Variants in ANKFN1 observed in about 807,000 individuals in gnomAD.
ANKFN1 encodes ankyrin repeat and fibronectin type-III domain-containing protein 1.
ANKFN1 carries 74 observed loss-of-function variants against 108.7 expected under a neutral mutation model. That is an observed-to-expected ratio of 0.68 (90% confidence interval 0.56 to 0.83). The LOEUF (loss-of-function observed/expected upper bound fraction) is 0.83. ANKFN1 is among the 40% of genes least tolerant of loss of function. The pLI, the probability that ANKFN1 is intolerant of heterozygous loss-of-function variation, is 0.00. For synonymous variants in ANKFN1, 547 were observed against 516.2 expected (o/e 1.06, Z -0.81); for missense variants, 1,505 against 1,382.3 (o/e 1.09, Z -1.41).
At chr17:56,251,702 A>G (rs1214741351) in intron 3 of ANKFN1, among the ~76,000 whole-genome samples, 1 of 152,066 alleles carries the variant, frequency 6.6e-6, no homozygotes, top group Admixed American at 6.5e-5. Context: ...ACCTCATCTC[A>G]TTTGTTTTGA....
In ANKFN1 at chr17:56,350,851, G is replaced by A. The variant is rs1166616193; in HGVS notation, c.274G>A (p.Ala92Thr). 1.9e-6 allele frequency: 3 copies of A among 1,613,662 alleles called. No homozygotes were observed. In the Admixed American group the frequency reaches 5.0e-5, roughly 27 times the overall value. Residue 92 changes from alanine (A) to threonine (T), a missense_variant, in exon 5 of 21, where the codon GCA becomes ACA. Coordinates refer to ENST00000682825, the MANE Select transcript of ANKFN1 (RefSeq NM_001370326.1). The part of the protein sequence containing the change: ...KKHSAPSSPN[A>T]AKRLYRNLSE... ...ACATAGTGCTCCCTCATCTCCCAAC[G>A]CAGCCAAACGCCTGTACAGGAACCT... is the stretch of plus-strand genomic sequence containing the variant.
intron 3 of ANKFN1, among the ~76,000 whole-genome samples, chr17:56,252,896 C>A (rs1468059710): frequency 6.6e-6 from 1 of 151,134 alleles, no homozygotes; most frequent in Admixed American, 6.6e-5. Flanking sequence ...CCCATCTCTA[C>A]AAGTAATTTT....
chr17:56,052,414 A>G (rs1029539048), intron 4 of ANKFN1, among the ~76,000 whole-genome samples: 2 of 152,158 alleles, frequency 1.3e-5, no homozygotes, highest in African/African-American at 4.8e-5. Flanking sequence ...GACCAGGAGA[A>G]ATGGCATGCC....
Position 56,442,870 on chromosome 17 carries a change from G to T in ANKFN1, c.1036G>T (p.Ala346Ser), listed in dbSNP as rs2049156003. The T allele has an allele frequency of 1.2e-6, 2 of 1,613,710 alleles. No homozygotes were observed. The highest frequency in any genetic ancestry group is 1.7e-6 in the Non-Finnish European group (2 of 1,179,716). ...CCAACAGTATTTTGTTCAAGTCTCG[G>T]CTTACAATATGAAAGGATGGGGACC... ...MGQQYFVQVS[A>S]YNMKGWGPAQ... Residue 346 changes from alanine to serine, a missense_variant, in exon 10 of 21, where the codon GCT (alanine) becomes TCT (serine). Physicochemically the swap from Ala to Ser is moderately conservative, Grantham distance 99 (BLOSUM62 1). Coordinates refer to ENST00000682825, the MANE Select transcript of ANKFN1 (RefSeq NM_001370326.1).
In ANKFN1 at chr17:56,108,177, A is replaced by T. The variant is rs62075431; in HGVS notation, c.288+61852A>T. 8.3e-3 allele frequency among the ~76,000 whole-genome samples: 1,267 copies of T among 152,142 alleles called. 10 individuals carry two copies. Among genetic ancestry groups the T allele is most frequent in the Non-Finnish European group, 0.012 (834 of 67,988 alleles). On this transcript the variant is annotated intron_variant, in intron 4 of 12. Coordinates refer to the ANKFN1 transcript ENST00000635860. ...CAGCCTCCTGAGTGGCTGGGATTACAGGTGCACACCACCATGCCCGGCTAA... is the reference window on the plus strand; with the variant it reads ...CAGCCTCCTGAGTGGCTGGGATTACTGGTGCACACCACCATGCCCGGCTAA...
chr17:56,056,859 T>C (rs2039685290), intron 4 of ANKFN1, among the ~76,000 whole-genome samples: 1 of 152,236 alleles, frequency 6.6e-6, no homozygotes, highest in African/African-American at 2.4e-5. Flanking sequence ...GTTTGCTGCA[T>C]TGTTTGACTT....
chr17:56,291,336 C>T (rs1019680238), intron 3 of ANKFN1, among the ~76,000 whole-genome samples: 30 of 148,718 alleles, frequency 2.0e-4, no homozygotes, highest in African/African-American at 7.8e-4. Context: ...TGGATTCACT[C>T]TTAGAAGACA....
intron 8 of ANKFN1, among the ~76,000 whole-genome samples, chr17:56,416,467 T>C (rs2048243532): frequency 6.6e-6 from 1 of 152,222 alleles, no homozygotes. Context: ...TCAACATCAT[T>C]GATCATCAGA....
At chr17:56,460,872 C>T (rs1052778830) in intron 14 of ANKFN1, among the ~76,000 whole-genome samples, 1 of 152,170 alleles carries the variant, frequency 6.6e-6, no homozygotes, top group Non-Finnish European at 1.5e-5. Context: ...GGAAGAGTTA[C>T]CTACATCCCC....
intron 4 of ANKFN1, among the ~76,000 whole-genome samples, chr17:56,075,944 G>A (rs75939572): frequency 0.031 from 4,662 of 152,214 alleles, 85 homozygotes; most frequent in Middle Eastern, 0.082. Flanking sequence ...AGACTGAGAG[G>A]CTTGACACAT....
At chr17:56,193,252 TGGGGAGG>T (rs1354697459) in intron 1 of ANKFN1, among the ~76,000 whole-genome samples, 1 of 83,962 alleles carries the variant, frequency 1.2e-5, no homozygotes, top group Non-Finnish European at 2.3e-5. Context: ...GGGACTGTGG[TGGGGAGG>T]GGGGAGGGGG....
intron 3 of ANKFN1, among the ~76,000 whole-genome samples, chr17:56,293,706 C>T (rs1012005644): frequency 1.3e-5 from 2 of 152,184 alleles, no homozygotes; most frequent in Non-Finnish European, 2.9e-5. Context: ...AATCGAAAGA[C>T]TTTCTACTCT....
chr17:56,217,411 T>C (rs1469525594), intron 2 of ANKFN1, among the ~76,000 whole-genome samples: 1 of 152,202 alleles, frequency 6.6e-6, no homozygotes, highest in Non-Finnish European at 1.5e-5. Flanking sequence ...TCTTCAAAAT[T>C]CCACCGCATT....
chr17:56,461,307 C>A (rs1280594829), intron 14 of ANKFN1, among the ~76,000 whole-genome samples: 1 of 152,018 alleles, frequency 6.6e-6, no homozygotes, highest in Non-Finnish European at 1.5e-5. Flanking sequence ...GTTCAGGCAC[C>A]CACAAAACCT....
At chr17:56,203,867 A>C (rs888924099) in intron 1 of ANKFN1, among the ~76,000 whole-genome samples, 74 of 152,284 alleles carry the variant, frequency 4.9e-4, no homozygotes, top group African/African-American at 1.7e-3. Flanking sequence ...ATCTATTTTT[A>C]TTAAAAAAAG....
intron 1 of ANKFN1, among the ~76,000 whole-genome samples, chr17:56,199,608 C>A (rs1913860102): frequency 1.3e-5 from 2 of 152,128 alleles, no homozygotes; most frequent in African/African-American, 4.8e-5. Context: ...TAGTGCATTC[C>A]AGCATCTCTC....
Position 56,451,536 on chromosome 17 carries a change from A to G in ANKFN1, c.1207+2350A>G, listed in dbSNP as rs77582039. 7.6e-4 allele frequency among the ~76,000 whole-genome samples: 116 copies of G among 152,324 alleles called. 4 individuals are homozygous for G. The East Asian group carries it at 9.8e-3, about 13-fold the overall frequency. On this transcript the variant is annotated intron_variant, in intron 11 of 20. Coordinates refer to ENST00000682825, the MANE Select transcript of ANKFN1 (RefSeq NM_001370326.1). ...TTTATTGGGGACATAAACTTTTACC[A>G]ACTTTACAATTAGAAAAAGTAATAT...
intron 3 of ANKFN1, among the ~76,000 whole-genome samples, chr17:56,245,223 T>C (rs914610073): frequency 6.6e-6 from 1 of 152,158 alleles, no homozygotes; most frequent in Non-Finnish European, 1.5e-5. Flanking sequence ...CAGGAATCAG[T>C]GGAGGATCTG....
chr17:56,185,301 A>G (rs745660151), intron 1 of ANKFN1, among the ~76,000 whole-genome samples: 1 of 152,194 alleles, frequency 6.6e-6, no homozygotes, highest in Non-Finnish European at 1.5e-5. Flanking sequence ...GTTCTGCATA[A>G]ATTTTTGCTG....
Sources: allele counts gnomAD v4.1 joint callset (sites outside exome capture counted in the v4.1 genomes callset), GRCh38; gene constraint gnomAD v4.1.1; transcripts MANE v1.5; gene names NCBI Gene and HGNC (gene_info 2026-07-23, HGNC 2026-07-21).